KANK1: variants seen among roughly 807,000 people sequenced by gnomAD.
KANK1 encodes the protein KN motif and ankyrin repeat domains 1.
In KANK1, 109 loss-of-function variants were observed where a neutral mutation model predicts 106.2. The ratio of observed to expected loss-of-function variants is 1.03; its 90% CI spans 0.88 to 1.20. The LOEUF (loss-of-function observed/expected upper bound fraction) is 1.20, where lower values mean the gene tolerates loss of function less well. KANK1 is among the 50% of genes most tolerant of loss of function. KANK1 has a pLI of 0.00. For synonymous variants in KANK1, 873 were observed against 652.2 expected (o/e 1.34, Z -5.16); for missense variants, 2,399 against 1,710.7 (o/e 1.40, Z -7.10).
chr9:494,369 T>C (rs994733273), intron 3 of KANK1, among the ~76,000 whole-genome samples: 1 of 152,210 alleles, frequency 6.6e-6, no homozygotes, highest in South Asian at 2.1e-4. Context: ...AATTATTTCA[T>C]GTATACCAAT....
intron 1 of KANK1, among the ~76,000 whole-genome samples, chr9:559,138 A>T (rs1444345238): frequency 6.6e-6 from 1 of 152,118 alleles, no homozygotes; most frequent in African/African-American, 2.4e-5. Flanking sequence ...CTTGATAGGC[A>T]TTGAGTGTTT....
At chr9:737,970 A>G (rs1278214124) in intron 7 of KANK1, among the ~76,000 whole-genome samples, 1 of 152,254 alleles carries the variant, frequency 6.6e-6, no homozygotes, top group African/African-American at 2.4e-5. Flanking sequence ...GAAGCAGAAT[A>G]ACTTCCCTCG....
chr9:528,924 C>T (rs567169801), intron 1 of KANK1, among the ~76,000 whole-genome samples: 5 of 152,008 alleles, frequency 3.3e-5, no homozygotes, highest in South Asian at 4.2e-4. Flanking sequence ...CTCAGCCTCC[C>T]GAGTAGCTGG....
chr9:590,561 T>C (rs1204007391), intron 1 of KANK1, among the ~76,000 whole-genome samples: 4 of 152,126 alleles, frequency 2.6e-5, no homozygotes, highest in African/African-American at 9.7e-5. Flanking sequence ...AAATGAAAGA[T>C]GTATCGATAA....
chr9:738,081 CATTAGA>C, intron 7 of KANK1, among the ~76,000 whole-genome samples, 198 bp from the exon 8 acceptor site: 1 of 152,152 alleles, frequency 6.6e-6, no homozygotes, highest in Admixed American at 6.5e-5. Flanking sequence ...CCTTTATAGA[CATTAGA>C]ATCTACACGT....
At chr9:542,302 C>A (rs2060652043) in intron 1 of KANK1, among the ~76,000 whole-genome samples, 1 of 152,230 alleles carries the variant, frequency 6.6e-6, no homozygotes, top group Non-Finnish European at 1.5e-5. Context: ...GAGTTCAAGA[C>A]TGGCCTAGCC....
At chr9:707,129 A>C (rs1824483598) in intron 2 of KANK1, 2 of 985,438 alleles carry the variant, frequency 2.0e-6, no homozygotes, top group Non-Finnish European at 2.4e-6. Context: ...GTTTACACGA[A>C]TGTTGAAACT....
chr9:595,678 A>C (rs996430280), intron 1 of KANK1, among the ~76,000 whole-genome samples: 2 of 151,722 alleles, frequency 1.3e-5, no homozygotes, highest in African/African-American at 4.9e-5. Context: ...GGAATGCACC[A>C]CCACATCTGG....
chr9:621,026 T>G (rs1833024980), intron 1 of KANK1, among the ~76,000 whole-genome samples: 1 of 152,158 alleles, frequency 6.6e-6, no homozygotes, highest in Non-Finnish European at 1.5e-5. Context: ...TCTAAATTCT[T>G]TTTTAGGGGA....
chr9:596,271 T>C (rs535832345), intron 1 of KANK1, among the ~76,000 whole-genome samples: 2 of 151,992 alleles, frequency 1.3e-5, no homozygotes, highest in East Asian at 3.9e-4. Flanking sequence ...GCCAAATTAG[T>C]AAATATTTTT....
intron 1 of KANK1, among the ~76,000 whole-genome samples, chr9:568,522 C>G (rs1818375859): frequency 2.0e-5 from 3 of 152,150 alleles, no homozygotes; most frequent in African/African-American, 7.2e-5. Flanking sequence ...ATGATCGTCA[C>G]TCTGTTGCCC....
intron 1 of KANK1, among the ~76,000 whole-genome samples, chr9:631,967 T>C (rs1044961974): frequency 6.6e-6 from 1 of 152,208 alleles, no homozygotes; most frequent in African/African-American, 2.4e-5. Flanking sequence ...AACATACTGT[T>C]AAATTACAGT....
At chr9:673,066 A>G (rs1194769976) in intron 1 of KANK1, among the ~76,000 whole-genome samples, 2 of 152,178 alleles carry the variant, frequency 1.3e-5, no homozygotes, top group Non-Finnish European at 2.9e-5. Flanking sequence ...TCTGCATAGC[A>G]TTAAGAAGAA....
At chr9:738,837 C>T (rs186491377) in intron 8 of KANK1, among the ~76,000 whole-genome samples, 8 of 152,254 alleles carry the variant, frequency 5.3e-5, no homozygotes, top group East Asian at 1.9e-4. Flanking sequence ...CGGGCTTGGC[C>T]GGTTTGCACT....
At chr9:497,934 C>A (rs1365754032) in intron 3 of KANK1, among the ~76,000 whole-genome samples, 3 of 152,152 alleles carry the variant, frequency 2.0e-5, no homozygotes, top group Non-Finnish European at 2.9e-5. Context: ...TTCCATCCGT[C>A]CCAAAGGTCT....
In KANK1 at chr9:559,026, A is replaced by C. The variant is rs1201725044; in HGVS notation, c.-84+54272A>C. 4 of 152,206 alleles carry C rather than the reference A, an allele frequency of 2.6e-5. No homozygotes were observed. In the East Asian group the frequency reaches 7.7e-4, roughly 29 times the overall value. 9.4% of individuals were successfully genotyped at this position (152,206 alleles called of 1,614,324 possible). On this transcript the variant is annotated intron_variant, in intron 1 of 11. Coordinates refer to ENST00000382297, the MANE Select transcript of KANK1 (RefSeq NM_015158.5). ...AATAAGTTTTAGTAGATGAATTTGC[A>C]AATGTGGAATCCGTGAATAATAAGG... is the stretch of plus-strand genomic sequence containing the variant.
intron 1 of KANK1, among the ~76,000 whole-genome samples, chr9:663,306 T>C (rs1588689727): frequency 6.6e-6 from 1 of 152,206 alleles, no homozygotes; most frequent in South Asian, 2.1e-4. Flanking sequence ...TAGTTGAAAC[T>C]ACCAGCAGTA....
chr9:668,851 G>C (rs746203899), intron 1 of KANK1, among the ~76,000 whole-genome samples: 1 of 152,046 alleles, frequency 6.6e-6, no homozygotes, highest in Non-Finnish European at 1.5e-5. Context: ...TCAGGCATTA[G>C]ATCCTCATAA....
intron 6 of KANK1, 41 bp from the exon 7 acceptor site, chr9:734,707 T>G: frequency 7.1e-7 from 1 of 1,399,636 alleles, no homozygotes; most frequent in Non-Finnish European, 1.0e-6. Flanking sequence ...AAAATGATTT[T>G]CTTCTTGTGA....
Sources: gnomAD v4.1 joint callset for allele counts (sites outside exome capture counted in the v4.1 genomes callset) on GRCh38, gnomAD v4.1.1 for gene constraint, MANE v1.5 for transcripts, NCBI Gene and HGNC (gene_info 2026-07-23, HGNC 2026-07-21) for gene names.